Variants in RYR2 observed in about 807,000 individuals in gnomAD.
RYR2 encodes the protein cardiac muscle ryanodine receptor-calcium release channel.
Under a neutral mutation model 601.1 loss-of-function variants are expected in RYR2, and 227 were observed. That is an observed-to-expected ratio of 0.38 (90% CI 0.34 to 0.42). RYR2 has a LOEUF of 0.42. Ranked by LOEUF, RYR2 falls within the 10% of genes least tolerant of loss-of-function variation. The probability of loss-of-function intolerance (pLI) is 1.00; values close to 1 mark genes in which losing one functional copy is unlikely to be tolerated. For synonymous variants in RYR2, 2,223 were observed against 2,175.1 expected (o/e 1.02, Z -0.61); for missense variants, 4,646 against 6,156.5 (o/e 0.75, Z 8.21).
chr1:237,345,824 C>A (rs1698255590), intron 3 of RYR2, among the ~76,000 whole-genome samples: 1 of 151,602 alleles, frequency 6.6e-6, no homozygotes, highest in Non-Finnish European at 1.5e-5. Flanking sequence ...AGATTAGTCC[C>A]CCTCATTCTT....
intron 34 of RYR2, 68 bp downstream of exon 34, chr1:237,595,725 C>A: frequency 6.6e-7 from 1 of 1,522,984 alleles, no homozygotes; most frequent in Non-Finnish European, 8.8e-7. Flanking sequence ...AAGGAAAACA[C>A]AGTTTGTAAG....
In RYR2 at chr1:237,178,374, C is replaced by CT. The variant is rs571735342; in HGVS notation, c.49-92117dup. The stretch of plus-strand genomic sequence containing the variant: ...CTGTCATTTTTCTTTGTTGTTAAGG[C>CT]TTTTTTGTTTTTGTAGTTAAGGCTC... On this transcript the variant is annotated intron_variant, in intron 1 of 104. Coordinates refer to ENST00000366574, the MANE Select transcript of RYR2 (RefSeq NM_001035.3). Among the ~76,000 whole-genome samples the CT allele has an allele frequency of 3.8e-3, 552 of 145,562 alleles. 5 individuals are homozygous for CT. The highest frequency in any genetic ancestry group is 0.013 in the African/African-American group (526 of 39,278).
At chr1:237,695,841 G>A (rs918150679) in intron 63 of RYR2, among the ~76,000 whole-genome samples, 7 of 152,126 alleles carry the variant, frequency 4.6e-5, no homozygotes, top group African/African-American at 1.7e-4. Context: ...ACATAGAGGT[G>A]TTTCTATTTA....
chr1:237,509,034 G>A (rs1205406830), intron 23 of RYR2, among the ~76,000 whole-genome samples: 1 of 152,088 alleles, frequency 6.6e-6, no homozygotes, highest in African/African-American at 2.4e-5. Context: ...GAGCCACCGC[G>A]CCCGGCCAGG....
At chr1:237,729,873 C>G (rs187291736) in intron 76 of RYR2, among the ~76,000 whole-genome samples, 1 of 152,058 alleles carries the variant, frequency 6.6e-6, no homozygotes, top group Admixed American at 6.6e-5. Context: ...CATTGCTTAT[C>G]GAGAGACATG....
At chr1:237,197,957 T>C (rs1680749498) in intron 1 of RYR2, among the ~76,000 whole-genome samples, 1 of 152,100 alleles carries the variant, frequency 6.6e-6, no homozygotes, top group Non-Finnish European at 1.5e-5. Context: ...TGGTCAATCA[T>C]AGGTTGGCAG....
At chr1:237,605,032 A>T (rs954540387) in intron 35 of RYR2, among the ~76,000 whole-genome samples, 1 of 152,152 alleles carries the variant, frequency 6.6e-6, no homozygotes, top group Admixed American at 6.5e-5. Flanking sequence ...AAACTATTCC[A>T]ATCAATAGAA....
intron 1 of RYR2, among the ~76,000 whole-genome samples, chr1:237,225,785 G>A (rs771897455): frequency 1.3e-5 from 2 of 152,130 alleles, no homozygotes; most frequent in Admixed American, 6.5e-5. Flanking sequence ...GGCAGAGCAC[G>A]GTGGCTCATG....
chr1:237,436,479 G>GTTTTTTTTTTTTTTTTT (rs1707387688), intron 12 of RYR2, among the ~76,000 whole-genome samples: 1 of 16,598 alleles, frequency 6.0e-5, no homozygotes, highest in Non-Finnish European at 1.3e-4. Flanking sequence ...TTTTTTTTTT[G>GTTTTTTTTTTTTTTTTT]CATTTCTGTC....
chr1:237,696,158 A>T (rs1687410366), intron 63 of RYR2, among the ~76,000 whole-genome samples: 1 of 152,206 alleles, frequency 6.6e-6, no homozygotes, highest in Non-Finnish European at 1.5e-5. Flanking sequence ...CTCATGGAAA[A>T]GGGCACAGGA....
intron 44 of RYR2, among the ~76,000 whole-genome samples, chr1:237,636,758 G>A (rs1264949692): frequency 1.3e-5 from 2 of 152,170 alleles, no homozygotes; most frequent in African/African-American, 4.8e-5. Flanking sequence ...ATTCGTCATA[G>A]CCAAAAAGTG....
chr1:237,090,031 C>T (rs1201548065), intron 1 of RYR2, among the ~76,000 whole-genome samples: 3 of 152,136 alleles, frequency 2.0e-5, no homozygotes, highest in African/African-American at 4.8e-5. Flanking sequence ...CTTCACAGGG[C>T]GGCAGGAGAG....
chr1:237,666,597 C>G lies in RYR2; in HGVS notation c.8514+8C>G. On this transcript the variant is annotated splice_region_variant and intron_variant, in intron 57 of 104. Coordinates refer to ENST00000366574, the MANE Select transcript of RYR2 (RefSeq NM_001035.3). ...CTATCTAGAGACCTGCATGTAAGTA[C>G]TATTAACTTTTAAAAATAGTCTCCA... is the stretch of plus-strand genomic sequence containing the variant. 2 of 1,602,832 alleles carry G rather than the reference C, an allele frequency of 1.2e-6. No homozygotes were observed. The highest frequency in any genetic ancestry group is 1.7e-6 in the Non-Finnish European group (2 of 1,172,548).
chr1:237,417,572 A>G (rs115677550), intron 11 of RYR2, among the ~76,000 whole-genome samples: 1,885 of 152,350 alleles, frequency 0.012, 21 homozygotes, highest in South Asian at 0.03. Flanking sequence ...TGAGCGTAGG[A>G]CAGAGTCATT....
rs762130498 is a variant in RYR2 at position 237,569,177 on chromosome 1, T to C, written c.3456T>C (p.Tyr1152=). The C allele has an allele frequency of 3.1e-6, 5 of 1,613,772 alleles. No individual in the cohort carries two copies. Among genetic ancestry groups the C allele is most frequent in the East Asian group, 2.2e-5 (1 of 44,882 alleles). The change falls in exon 29 of 105, where the codon TAT becomes TAC. Residue 1152 remains tyrosine, a synonymous_variant. Coordinates refer to ENST00000366574, the MANE Select transcript of RYR2 (RefSeq NM_001035.3). The stretch of plus-strand genomic sequence containing the variant: ...GGTGGCATCAGGGCAATGAACACTA[T>C]GGGCGCTCTTGGCAAGCAGGCGATG... ...AQRWHQGNEH[Y]GRSWQAGDVV...
rs1672249958 is a variant in RYR2, at chr1:237,567,813, G to A, written c.3423+1038G>A. Among the ~76,000 whole-genome samples the A allele has an allele frequency of 2.0e-5, 3 of 152,072 alleles. No individual in the cohort carries two copies. The South Asian group carries it at 6.2e-4, about 32-fold the overall frequency. ...TAAATAAGCAATCATGAAGAGATTT[G>A]ACGTTTGGATATTTCTTGGAGTGAA... On this transcript the variant is annotated intron_variant, in intron 28 of 104. Coordinates refer to ENST00000366574, the MANE Select transcript of RYR2 (RefSeq NM_001035.3).
At chr1:237,512,590 C>T (rs1305052415) in intron 24 of RYR2, among the ~76,000 whole-genome samples, 2 of 152,220 alleles carry the variant, frequency 1.3e-5, no homozygotes, top group Admixed American at 1.3e-4. Flanking sequence ...GAGCCAAAGT[C>T]AGCTGGGCAT....
chr1:237,700,346 C>A lies in RYR2; in HGVS notation c.9246C>A (p.His3082Gln), dbSNP rs1409285303. 2 of 1,602,370 alleles carry A rather than the reference C, an allele frequency of 1.2e-6. No individual in the cohort carries two copies. Among genetic ancestry groups the A allele is most frequent in the Admixed American group, 3.4e-5 (2 of 58,368 alleles). ...MENLKQGQFT[H>Q]TRNQPKGVTQ... ...ACCTCAAGCAGGGCCAGTTCACTCA[C>A]ACCCGAAACCAGCCCAAAGGGGTTA... The change falls in exon 65 of 105, where the codon CAC (histidine) becomes CAA (glutamine). Residue 3082 changes from histidine to glutamine, a missense_variant. Physicochemically the swap from His to Gln is conservative, Grantham distance 24 (BLOSUM62 0). Transcript: ENST00000366574.
chr1:237,719,560 C>T (rs1263356288), intron 73 of RYR2, among the ~76,000 whole-genome samples: 1 of 152,112 alleles, frequency 6.6e-6, no homozygotes, highest in African/African-American at 2.4e-5. Flanking sequence ...GTGCCACACA[C>T]TTAAACAGCC....
Sources: gnomAD v4.1 joint callset for allele counts (sites outside exome capture counted in the v4.1 genomes callset) on GRCh38, gnomAD v4.1.1 for gene constraint, MANE v1.5 for transcripts, NCBI Gene and HGNC (gene_info 2026-07-23, HGNC 2026-07-21) for gene names.